Variants in ZNF14 observed in about 807,000 individuals in gnomAD.
ZNF14 encodes gonadotropin inducible transcription repressor-4.
ZNF14 carries 9 observed loss-of-function variants against 11.3 expected under a neutral mutation model. The observed-to-expected ratio is 0.80, with a 90% CI of 0.48 to 1.39. The LOEUF is 1.39. Among genes scored for constraint, ZNF14 ranks in the 40% most tolerant of loss-of-function variants. The probability of loss-of-function intolerance (pLI) is 0.00; values close to 1 mark genes in which losing one functional copy is unlikely to be tolerated. For synonymous variants in ZNF14, 239 were observed against 245.7 expected (o/e 0.97, Z 0.25); for missense variants, 711 against 763.9 (o/e 0.93, Z 0.82).
In ZNF14 at chr19:19,714,447, A is replaced by G; in HGVS notation, c.44T>C (p.Leu15Pro). 1 of 1,614,118 alleles carries G rather than the reference A, an allele frequency of 6.2e-7. No individual in the cohort carries two copies. Among genetic ancestry groups the G allele is most frequent in the Non-Finnish European group, 8.5e-7 (1 of 1,180,030 alleles). The change falls in exon 2 of 4, where the codon CTG becomes CCG. Residue 15 changes from leucine to proline, a missense_variant. Physicochemically the swap from Leu to Pro is moderately conservative, Grantham distance 98. Coordinates refer to ENST00000344099, the MANE Select transcript of ZNF14 (RefSeq NM_021030.3). The stretch of plus-strand genomic sequence containing the variant: ...AGAATCCAGCAAAGCCCACTCCTCC[A>G]GGGTGAAGTTCACGGCCACATCCTC... ...SFEDVAVNFTLEEWALLDSSQ... is the reference protein window; with the variant it reads ...SFEDVAVNFTPEEWALLDSSQ...
At chr19:19,719,388 T>C (rs2062386211) in intron 1 of ZNF14, among the ~76,000 whole-genome samples, 2 of 152,280 alleles carry the variant, frequency 1.3e-5, no homozygotes, top group South Asian at 4.2e-4. Flanking sequence ...GAACAATATA[T>C]TTGGTAAGTC....
At chr19:19,732,848 G>T in intron 1 of ZNF14, 108 bp downstream of exon 1, 1 of 1,436,934 alleles carries the variant, frequency 7.0e-7, no homozygotes, top group Non-Finnish European at 9.5e-7. Flanking sequence ...GCCCGCGGTG[G>T]CCCCCGGGTC....
In ZNF14 at chr19:19,712,667, G is replaced by C. The variant is rs1290581205; in HGVS notation, c.614C>G (p.Thr205Ser). 2 of 1,613,802 alleles carry C rather than the reference G, an allele frequency of 1.2e-6. No homozygotes were observed. Among genetic ancestry groups the C allele is most frequent in the African/African-American group, 2.7e-5 (2 of 74,888 alleles). Residue 205 changes from threonine to serine, a missense_variant, in exon 4 of 4, where the codon ACC becomes AGC. Coordinates refer to ENST00000344099, the MANE Select transcript of ZNF14 (RefSeq NM_021030.3). ...KPYECKQCGKTFIYYQSFQKH... is the reference protein window; with the variant it reads ...KPYECKQCGKSFIYYQSFQKH... ...TTGAAAAGACTGGTAATATATAAAG[G>C]TTTTTCCACATTGCTTACATTCATA...
At chr19:19,726,221 A>G (rs1007569056) in intron 1 of ZNF14, among the ~76,000 whole-genome samples, 1 of 134,100 alleles carries the variant, frequency 7.5e-6, no homozygotes, top group Non-Finnish European at 1.7e-5. Context: ...TTGTGGTTTT[A>G]TCTACCTCTG....
At chr19:19,732,443 A>G (rs755704896) in intron 1 of ZNF14, among the ~76,000 whole-genome samples, 4 of 152,182 alleles carry the variant, frequency 2.6e-5, no homozygotes, top group Admixed American at 2.0e-4. Context: ...AAGGTCAAAA[A>G]CACCCCCAGA....
At chr19:19,722,660 C>T (rs984175523) in intron 1 of ZNF14, among the ~76,000 whole-genome samples, 4 of 152,086 alleles carry the variant, frequency 2.6e-5, no homozygotes, top group Admixed American at 6.6e-5. Context: ...AAATTACCTT[C>T]GGCAGTATGG....
At chr19:19,732,787 G>T (rs2062427883) in intron 1 of ZNF14, among the ~76,000 whole-genome samples, 169 bp downstream of exon 1, 1 of 152,152 alleles carries the variant, frequency 6.6e-6, no homozygotes, top group African/African-American at 2.4e-5. Context: ...GGACGCTGGG[G>T]CTCCCGGCTG....
Position 19,712,130 on chromosome 19 carries a change from G to T in ZNF14, c.1151C>A (p.Thr384Asn). Residue 384 changes from threonine (T) to asparagine (N), a missense_variant, in exon 4 of 4, where the codon ACT becomes AAT. Transcript: ENST00000344099. ...WSISLRLHER[T>N]HTGEKPYECK... ...CTCATAAGGTTTCTCTCCAGTATGA[G>T]TTCTTTCATGCAATCGAAGAGAAAT... 6.2e-7 allele frequency: 1 copy of T among 1,613,986 alleles called. No individual in the cohort carries two copies. Among genetic ancestry groups the T allele is most frequent in the African/African-American group, 1.3e-5 (1 of 75,038 alleles).
At position 19,712,531 on chromosome 19, in the gene ZNF14, G is replaced by A; in HGVS notation, c.750C>T (p.Pro250=). 1 of 1,613,234 alleles carries A rather than the reference G, an allele frequency of 6.2e-7. No homozygotes were observed. The highest frequency in any genetic ancestry group is 8.5e-7 in the Non-Finnish European group (1 of 1,179,816). Residue 250 remains proline (P), a synonymous_variant, in exon 4 of 4, where the codon CCC becomes CCT. Coordinates refer to ENST00000344099, the MANE Select transcript of ZNF14 (RefSeq NM_021030.3). The part of the protein sequence containing the change: ...RHKRTHTGEK[P]YECKQCGKAF... ...CCTTACCACATTGCTTACATTCATA[G>A]GGTTTCTCTCCAGTGTGAGTCCTTT...
chr19:19,733,022 C>A lies in ZNF14; in HGVS notation c.-64G>T. The A allele has an allele frequency of 6.3e-7, 1 of 1,597,396 alleles. No homozygotes were observed. The highest frequency in any genetic ancestry group is 8.5e-7 in the Non-Finnish European group (1 of 1,170,568). On this transcript the variant is annotated 5_prime_UTR_variant, in exon 1 of 4. Transcript: ENST00000344099. ...ATCTGTCAGTACCTGCAGGTCACGG[C>A]GCGACAAAGGATGCGCTAGAGCCAC...
intron 1 of ZNF14, 59 bp from the exon 2 acceptor site, chr19:19,714,546 A>G: frequency 6.4e-7 from 1 of 1,552,810 alleles, no homozygotes; most frequent in Non-Finnish European, 8.7e-7. Flanking sequence ...CTGGGGATCT[A>G]TACTTGATTT....
In ZNF14 at chr19:19,724,744, G is replaced by T. The variant is rs1202739001; in HGVS notation, c.3+8212C>A. ...TCTCTTTGTAGGTCTCTAAGGGCTT[G>T]CTTTATGAATCTGGGTGCTCCTGTA... On this transcript the variant is annotated intron_variant, in intron 1 of 3. Coordinates refer to ENST00000344099, the MANE Select transcript of ZNF14 (RefSeq NM_021030.3). Among the ~76,000 whole-genome samples, 4 of 133,186 alleles carry T rather than the reference G, an allele frequency of 3.0e-5. 2 individuals are homozygous for T. Among genetic ancestry groups the T allele is most frequent in the Non-Finnish European group, 6.7e-5 (4 of 59,948 alleles). The allele number at this position is 133,186 out of a possible 152,430, so 87.4% of individuals were successfully genotyped here.
At chr19:19,729,470 C>T (rs906297414) in intron 1 of ZNF14, among the ~76,000 whole-genome samples, 1 of 151,952 alleles carries the variant, frequency 6.6e-6, no homozygotes, top group African/African-American at 2.4e-5. Context: ...CGCCAGCCCC[C>T]ACATCCAGCT....
chr19:19,728,789 G>A (rs1437096393), intron 1 of ZNF14, among the ~76,000 whole-genome samples: 1 of 97,402 alleles, frequency 1.0e-5, no homozygotes, highest in African/African-American at 3.8e-5. Flanking sequence ...ATTGGACTGT[G>A]ATATATAATA....
intron 3 of ZNF14, 94 bp downstream of exon 3, chr19:19,713,997 G>T: frequency 8.4e-7 from 1 of 1,186,466 alleles, no homozygotes; most frequent in Non-Finnish European, 1.2e-6. Flanking sequence ...AAGTTTTCTA[G>T]GAATAAATAA....
intron 1 of ZNF14, among the ~76,000 whole-genome samples, chr19:19,716,071 C>T (rs12984272): frequency 0.2 from 29,847 of 151,900 alleles, 3,714 homozygotes; most frequent in East Asian, 0.26. Flanking sequence ...GGGTTTATTA[C>T]GCGTTTACTT....
chr19:19,729,992 C>T (rs926935472), intron 1 of ZNF14, among the ~76,000 whole-genome samples: 2 of 152,138 alleles, frequency 1.3e-5, no homozygotes, highest in Non-Finnish European at 2.9e-5. Flanking sequence ...AATTCACATT[C>T]GTGGCAAGCT....
chr19:19,718,927 G>A (rs530914680), intron 1 of ZNF14, among the ~76,000 whole-genome samples: 1 of 152,164 alleles, frequency 6.6e-6, no homozygotes, highest in African/African-American at 2.4e-5. Flanking sequence ...ACCATGTCCA[G>A]CTAATTTTTT....
intron 1 of ZNF14, among the ~76,000 whole-genome samples, chr19:19,727,717 T>C (rs940707312): frequency 7.5e-6 from 1 of 134,130 alleles, no homozygotes; most frequent in Non-Finnish European, 1.7e-5. Context: ...AAAGAGTTTC[T>C]ACACACACAT....
Sources: allele counts gnomAD v4.1 joint callset (sites outside exome capture counted in the v4.1 genomes callset), GRCh38; gene constraint gnomAD v4.1.1; transcripts MANE v1.5; gene names NCBI Gene and HGNC (gene_info 2026-07-23, HGNC 2026-07-21).